SYCP2L: variants seen among roughly 807,000 people sequenced by gnomAD.
SYCP2L encodes the protein synaptonemal complex protein 2-like.
A neutral mutation model predicts 125.8 loss-of-function variants in SYCP2L; 98 were observed. That is an observed-to-expected ratio of 0.78 (90% CI 0.66 to 0.92). The LOEUF is 0.92. Ranked by LOEUF, SYCP2L falls within the 40% of genes least tolerant of loss-of-function variation. SYCP2L has a pLI of 0.00. For synonymous variants in SYCP2L, 317 were observed against 325.4 expected (o/e 0.97, Z 0.28); for missense variants, 842 against 936.4 (o/e 0.90, Z 1.32).
Position 10,888,085 on chromosome 6 carries a change from T to A in SYCP2L, c.9+950T>A, listed in dbSNP as rs1159067716. Among the ~76,000 whole-genome samples, 85 of 50,268 alleles carry A rather than the reference T, an allele frequency of 1.7e-3. 9 individuals carry two copies. The highest frequency in any genetic ancestry group is 3.9e-3 in the Admixed American group (21 of 5,410). The allele number at this position is 50,268 out of a possible 152,430, so 33.0% of individuals were successfully genotyped here. A position where few individuals can be genotyped will look rare whatever the true frequency, so the allele number is the denominator to read the frequency against. On this transcript the variant is annotated intron_variant, in intron 1 of 29. Coordinates refer to ENST00000283141, the MANE Select transcript of SYCP2L (RefSeq NM_001040274.3). The stretch of plus-strand genomic sequence containing the variant: ...TACCATCTTTTTTTTTTTTTTTTTT[T>A]TTTTTTTTTTTTTTTTTTTTTTTTT...
chr6:10,923,686 T>TC (rs1413665921), intron 14 of SYCP2L, among the ~76,000 whole-genome samples: 1 of 106,180 alleles, frequency 9.4e-6, no homozygotes, highest in Non-Finnish European at 2.1e-5. Context: ...TCTTTTTCTT[T>TC]TTTTTTTTTT....
intron 8 of SYCP2L, among the ~76,000 whole-genome samples, chr6:10,905,465 T>A (rs1780472572): frequency 6.6e-6 from 1 of 152,038 alleles, no homozygotes; most frequent in Non-Finnish European, 1.5e-5. Flanking sequence ...GCTAGTTTTG[T>A]GTTTTTAGTA....
At chr6:10,956,621 A>G (rs1383130920) in intron 25 of SYCP2L, among the ~76,000 whole-genome samples, 2 of 152,138 alleles carry the variant, frequency 1.3e-5, no homozygotes, top group Non-Finnish European at 2.9e-5. Context: ...GATTGTGGTA[A>G]TCATTAAAAA....
rs1197245588 is a variant in SYCP2L, at chr6:10,898,254, C to T, written c.441+139C>T. 17 of 639,982 alleles carry T rather than the reference C, an allele frequency of 2.7e-5. 1 individual carries two copies. The highest frequency in any genetic ancestry group is 5.4e-5 in the Admixed American group (2 of 37,334). 39.6% of individuals were successfully genotyped at this position (639,982 alleles called of 1,614,324 possible). A position where few individuals can be genotyped will look rare whatever the true frequency, so the allele number is the denominator to read the frequency against. The stretch of plus-strand genomic sequence containing the variant: ...ACATGGCTGGGCGTGATGGTTCACA[C>T]CTGTAATCCCAGCACTTTGGGAGGC... On this transcript the variant is annotated intron_variant, in intron 5 of 29. Transcript: ENST00000283141.
chr6:10,965,592 G>A (rs1781664118), intron 29 of SYCP2L, among the ~76,000 whole-genome samples: 1 of 152,164 alleles, frequency 6.6e-6, no homozygotes, highest in Non-Finnish European at 1.5e-5. Flanking sequence ...CTTCATAGAA[G>A]AGAGAGACAA....
At chr6:10,959,039 A>G (rs766867505) in intron 26 of SYCP2L, among the ~76,000 whole-genome samples, 164 bp downstream of exon 26, 14 of 152,214 alleles carry the variant, frequency 9.2e-5, no homozygotes, top group African/African-American at 2.9e-4. Flanking sequence ...CATTCATATG[A>G]AAAGGGTTTG....
chr6:10,931,313 A>G, intron 19 of SYCP2L, 127 bp from the exon 20 acceptor site: 1 of 840,960 alleles, frequency 1.2e-6, no homozygotes, highest in South Asian at 1.5e-5. Context: ...TCTTAAGAGT[A>G]GACATTTCTG....
intron 23 of SYCP2L, among the ~76,000 whole-genome samples, chr6:10,947,093 A>G (rs1781330036): frequency 6.6e-6 from 1 of 151,862 alleles, no homozygotes; most frequent in African/African-American, 2.4e-5. Context: ...TACTGGACCT[A>G]TCATTGAATG....
intron 6 of SYCP2L, among the ~76,000 whole-genome samples, chr6:10,901,757 C>A (rs562950377): frequency 6.6e-6 from 1 of 152,316 alleles, no homozygotes; most frequent in East Asian, 1.9e-4. Context: ...GTGTATTTAA[C>A]AGAGTATCTA....
intron 24 of SYCP2L, 103 bp downstream of exon 24, chr6:10,955,320 A>T (rs1781484515): frequency 3.0e-6 from 2 of 671,650 alleles, no homozygotes; most frequent in South Asian, 4.8e-5. Flanking sequence ...TTTTAAGATC[A>T]TAGTAGCTAC....
intron 14 of SYCP2L, among the ~76,000 whole-genome samples, chr6:10,915,525 C>CA (rs1780678989): frequency 6.6e-6 from 1 of 152,166 alleles, no homozygotes; most frequent in South Asian, 2.1e-4. Context: ...GAGTTTTAAT[C>CA]ATAAAGGGAT....
In SYCP2L at chr6:10,912,722, AC is replaced by A. The variant is rs766400737; in HGVS notation, c.970del (p.Leu324Ter). 89 of 1,613,710 alleles carry A rather than the reference AC, an allele frequency of 5.5e-5. No individual in the cohort carries two copies. The highest frequency in any genetic ancestry group is 7.5e-5 in the Non-Finnish European group (89 of 1,179,968). On this transcript the variant is annotated frameshift_variant, in exon 13 of 30. Coordinates refer to ENST00000283141, the MANE Select transcript of SYCP2L (RefSeq NM_001040274.3). LOFTEE classifies it high-confidence loss of function. This position sits in a 1 kb window ranked among gnomAD's most constrained non-coding sequence, Gnocchi z 4.1. ...EKLEKFWIDF[N>X]LGSQSVTFYI... is the part of the protein sequence containing the mutation. The stretch of plus-strand genomic sequence containing the variant: ...TTAGAGAAATTTTGGATCGACTTCA[AC>A]CTAGGAAGTCAGAGTGTCACTTTTT...
At chr6:10,929,563 A>T (rs549464355) in intron 18 of SYCP2L, among the ~76,000 whole-genome samples, 1 of 152,356 alleles carries the variant, frequency 6.6e-6, no homozygotes, top group East Asian at 1.9e-4. Flanking sequence ...AATCCATCAG[A>T]AAGATTAAAC....
chr6:10,932,485 C>T lies in SYCP2L; in HGVS notation c.1683+996C>T, dbSNP rs182679526. On this transcript the variant is annotated intron_variant, in intron 20 of 29. Transcript: ENST00000283141. ...GAGAGTATCGACAGTGCCCCGCTTG[C>T]TCATGCAGAAATAGTTTGGTTAGGG... Among the ~76,000 whole-genome samples, 437 of 152,260 alleles carry T rather than the reference C, an allele frequency of 2.9e-3. 13 individuals carry two copies. Among genetic ancestry groups the T allele is most frequent in the Admixed American group, 0.027 (409 of 15,272 alleles).
At chr6:10,908,063 T>A (rs1780533287) in intron 10 of SYCP2L, among the ~76,000 whole-genome samples, 1 of 151,898 alleles carries the variant, frequency 6.6e-6, no homozygotes, top group Non-Finnish European at 1.5e-5. Flanking sequence ...TAATTTTTTA[T>A]TTTTAGTAGA....
chr6:10,906,932 G>A (rs752782660), intron 9 of SYCP2L, among the ~76,000 whole-genome samples: 2 of 151,098 alleles, frequency 1.3e-5, no homozygotes, highest in Non-Finnish European at 3.0e-5. Context: ...TTGATGATTT[G>A]GTTTGAATGA....
intron 28 of SYCP2L, chr6:10,963,207 C>T (rs72823376): frequency 0.2 from 30,464 of 152,734 alleles, 3,698 homozygotes; most frequent in East Asian, 0.27. Context: ...TATACCTCCC[C>T]TGGGGTTTTG....
At chr6:10,939,707 A>T (rs1461170766) in intron 21 of SYCP2L, among the ~76,000 whole-genome samples, 1 of 152,224 alleles carries the variant, frequency 6.6e-6, no homozygotes, top group Non-Finnish European at 1.5e-5. Context: ...GTTTTATACC[A>T]TATACAAAAA....
chr6:10,905,868 A>G (rs1780480428), intron 8 of SYCP2L, 152 bp from the exon 9 acceptor site: 2 of 567,088 alleles, frequency 3.5e-6, no homozygotes, highest in Non-Finnish European at 6.3e-6. Flanking sequence ...AGGTTTTTCC[A>G]TAAATATGTG....
Sources: allele counts gnomAD v4.1 joint callset (sites outside exome capture counted in the v4.1 genomes callset), GRCh38; gene constraint gnomAD v4.1.1; non-coding constraint Gnocchi (gnomAD v3.1); transcripts MANE v1.5; gene names NCBI Gene and HGNC (gene_info 2026-07-23, HGNC 2026-07-21).